Variants in CDK10 observed in about 807,000 individuals in gnomAD.
The protein encoded by CDK10 is cyclin-dependent kinase 10.
CDK10 carries 55 observed loss-of-function variants against 51.0 expected under a neutral mutation model. That is an observed-to-expected ratio of 1.08 (90% confidence interval 0.87 to 1.35). The LOEUF (loss-of-function observed/expected upper bound fraction) is 1.35, where lower values mean the gene tolerates loss of function less well. Among genes scored for constraint, CDK10 ranks in the 40% most tolerant of loss-of-function variants. The pLI, the probability that CDK10 is intolerant of heterozygous loss-of-function variation, is 0.00. For synonymous variants in CDK10, 255 were observed against 199.1 expected, an observed-to-expected ratio of 1.28 and a Z score of -2.36; for missense variants, 589 against 485.1, an observed-to-expected ratio of 1.21 and a Z score of -2.01.
At position 89,691,571 on chromosome 16, in the gene CDK10, T is replaced by C. The variant is rs1295635515; in HGVS notation, c.335+26T>C. The stretch of plus-strand genomic sequence containing the variant: ...GTACGTGGTCTCCTGGTCTGCACAT[T>C]GGGCCCTAGGGAGCATGTGTCTTGG... On this transcript the variant is annotated intron_variant, in intron 4 of 12. Coordinates refer to ENST00000353379, the MANE Select transcript of CDK10 (RefSeq NM_052988.5). The C allele has an allele frequency of 3.2e-6, 5 of 1,578,412 alleles. No homozygotes were observed. The Admixed American group carries it at 6.8e-5, about 21-fold the overall frequency.
intron 12 of CDK10, 30 bp downstream of exon 12, chr16:89,695,375 G>A (rs1456874296): frequency 1.2e-6 from 2 of 1,603,760 alleles, no homozygotes; most frequent in African/African-American, 2.7e-5. Flanking sequence ...GACTCGCTCT[G>A]TGGGGTATGG....
Position 89,695,315 on chromosome 16 carries a change from G to C in CDK10, c.955G>C (p.Glu319Gln). The change falls in exon 12 of 13, where the codon GAG (glutamate) becomes CAG (glutamine). Residue 319 changes from glutamate (E) to glutamine (Q), a missense_variant. Transcript: ENST00000353379. ...CAGGGCGACGGCCGGGGACTGCCTG[G>C]AGAGCTCCTATTTCAAGGAGAAGCC... ...KKRATAGDCL[E>Q]SSYFKEKPLP... The C allele has an allele frequency of 6.2e-7, 1 of 1,612,388 alleles. No individual in the cohort carries two copies.
At chr16:89,695,097 G>T in intron 11 of CDK10, 27 bp downstream of exon 11, 6 of 1,602,458 alleles carry the variant, frequency 3.7e-6, no homozygotes, top group Non-Finnish European at 5.1e-6. Context: ...GGGGGGCAGG[G>T]ACCCTCACCA....
rs867932300 is a variant in CDK10, at chr16:89,689,390, C to T, written c.160+66C>T. ...CTGTGACAGTGTGGGACGAGACTGT[C>T]GAAGCAGCAGCCGCGTTGGGGCTGG... is the stretch of plus-strand genomic sequence containing the variant. On this transcript the variant is annotated intron_variant, in intron 2 of 12. Transcript: ENST00000353379. The T allele has an allele frequency of 1.6e-5, 23 of 1,444,524 alleles. No individual in the cohort carries two copies. In the South Asian group the frequency reaches 1.6e-4, roughly 10 times the overall value. The allele number at this position is 1,444,524 out of a possible 1,614,324, so 89.5% of individuals were successfully genotyped here. A position where few individuals can be genotyped will look rare whatever the true frequency, so the allele number is the denominator to read the frequency against.
intron 2 of CDK10, 122 bp downstream of exon 2, chr16:89,689,446 G>A (rs2060345152): frequency 1.3e-6 from 1 of 773,776 alleles, no homozygotes; most frequent in Non-Finnish European, 2.3e-6. Flanking sequence ...TCTGAAACAG[G>A]GCAGAAACCT....
intron 8 of CDK10, chr16:89,693,863 G>C (rs1274333180): frequency 1.8e-6 from 1 of 561,406 alleles, no homozygotes; most frequent in African/African-American, 1.9e-5. Context: ...ATCAGAGTTG[G>C]TCAGAATCAG....
At chr16:89,693,873 G>A (rs897646706) in intron 8 of CDK10, 1 of 569,300 alleles carries the variant, frequency 1.8e-6, no homozygotes, top group South Asian at 2.0e-5. Context: ...GTCAGAATCA[G>A]GTCAGGACCC....
In CDK10 at chr16:89,691,479, T is replaced by TG; in HGVS notation, c.270dup (p.Leu91AlafsTer31). The TG allele has an allele frequency of 1.2e-6, 2 of 1,613,638 alleles. No homozygotes were observed. The highest frequency in any genetic ancestry group is 1.7e-6 in the Non-Finnish European group (2 of 1,179,836). On this transcript the variant is annotated frameshift_variant, in exon 4 of 13. Coordinates refer to ENST00000353379, the MANE Select transcript of CDK10 (RefSeq NM_052988.5). LOFTEE classifies it high-confidence loss of function. ...AGCAGCTTGCGGGAGATCACGCTGC[T>TG]GCTCCGCCTGCGTCATCCGAACATC...
chr16:89,695,253 C>T (rs769213953), intron 11 of CDK10, 40 bp from the exon 12 acceptor site: 17 of 1,584,530 alleles, frequency 1.1e-5, no homozygotes, highest in South Asian at 5.6e-5. Flanking sequence ...GTGAGGAAGC[C>T]GCACTCACAA....
intron 8 of CDK10, 61 bp downstream of exon 8, chr16:89,693,528 T>C: frequency 6.5e-7 from 1 of 1,547,130 alleles, no homozygotes; most frequent in Non-Finnish European, 8.9e-7. Context: ...GAGGTCTCCT[T>C]GGGGATGTCA....
rs747953145 is a variant in CDK10 at position 89,693,510 on chromosome 16, G to A, written c.608+43G>A. The A allele has an allele frequency of 6.9e-6, 11 of 1,590,350 alleles. 1 individual carries two copies. The highest frequency in any genetic ancestry group is 5.5e-5 in the South Asian group (5 of 90,538). ...ATGGTGGCCCCTGGGGACCAGGCCT[G>A]TCTGGTGGAGGTCTCCTTGGGGATG... On this transcript the variant is annotated intron_variant, in intron 8 of 12. Coordinates refer to ENST00000353379, the MANE Select transcript of CDK10 (RefSeq NM_052988.5).
In CDK10 at chr16:89,686,707, C is replaced by A; in HGVS notation, c.-4C>A. Reference sequence around the variant, plus strand: ...GCGCAAGAGAGGCGGGGCCAGCGCTCGGCATGGCGGAGCCAGATCTGGAGT... The same window carrying A: ...GCGCAAGAGAGGCGGGGCCAGCGCTAGGCATGGCGGAGCCAGATCTGGAGT... On this transcript the variant is annotated 5_prime_UTR_variant, in exon 1 of 13. Transcript: ENST00000353379. 8.2e-6 allele frequency: 13 copies of A among 1,587,854 alleles called. No individual in the cohort carries two copies. The highest frequency in any genetic ancestry group is 1.1e-5 in the Non-Finnish European group (13 of 1,168,238).
At chr16:89,695,092 G>C in intron 11 of CDK10, 22 bp downstream of exon 11, 2 of 1,605,068 alleles carry the variant, frequency 1.2e-6, no homozygotes, top group Non-Finnish European at 1.7e-6. Context: ...TGCACGGGGG[G>C]CAGGGACCCT....
intron 9 of CDK10, 127 bp from the exon 10 acceptor site, chr16:89,694,538 G>A (rs1336872636): frequency 2.0e-6 from 3 of 1,492,722 alleles, no homozygotes; most frequent in Non-Finnish European, 2.7e-6. Flanking sequence ...CCTTCACAGT[G>A]TCCCTGACCC....
intron 9 of CDK10, 113 bp from the exon 10 acceptor site, chr16:89,694,552 G>A (rs1473429250): frequency 5.9e-6 from 9 of 1,513,492 alleles, no homozygotes; most frequent in Non-Finnish European, 5.3e-6. Flanking sequence ...CTGACCCAGC[G>A]TGCCTCACAC....
intron 6 of CDK10, among the ~76,000 whole-genome samples, chr16:89,693,026 T>C (rs2060524627): frequency 6.7e-6 from 1 of 149,796 alleles, no homozygotes; most frequent in South Asian, 2.1e-4. Context: ...TAGTCCCAGC[T>C]ACTTGGGAGG....
chr16:89,689,680 G>GT (rs2060355448), intron 2 of CDK10: 2 of 224,498 alleles, frequency 8.9e-6, no homozygotes, highest in Non-Finnish European at 1.8e-5. Flanking sequence ...GAGCCCAGGT[G>GT]TTTTTTCTTT....
chr16:89,687,923 T>G (rs1253258407), intron 1 of CDK10: 4 of 278,000 alleles, frequency 1.4e-5, no homozygotes, highest in Non-Finnish European at 2.2e-5. Flanking sequence ...GGAATCAGAC[T>G]GAGGACAAAT....
chr16:89,695,056 C>G lies in CDK10; in HGVS notation c.918C>G (p.Tyr306Ter). ...GLRLLHFLFM[Y>*]DPKKRATAGD... Reference sequence around the variant, plus strand: ...GCCTGCTGCACTTCCTGTTCATGTACGACCCTAAGAAAAGGTGCTGATCTC... The same window carrying G: ...GCCTGCTGCACTTCCTGTTCATGTAGGACCCTAAGAAAAGGTGCTGATCTC... The change falls in exon 11 of 13, where the codon TAC becomes TAG. Residue 306 changes from tyrosine (Y) to a stop codon, truncating the protein, a stop_gained. Transcript: ENST00000353379. LOFTEE classifies it high-confidence loss of function. 1 of 1,612,886 alleles carries G rather than the reference C, an allele frequency of 6.2e-7. No individual in the cohort carries two copies. Among genetic ancestry groups the G allele is most frequent in the East Asian group, 2.2e-5 (1 of 44,882 alleles).
Sources: gnomAD v4.1 joint callset for allele counts (sites outside exome capture counted in the v4.1 genomes callset) on GRCh38, gnomAD v4.1.1 for gene constraint, MANE v1.5 for transcripts, NCBI Gene and HGNC (gene_info 2026-07-23, HGNC 2026-07-21) for gene names.